PCDHGA7: variants seen among roughly 807,000 people sequenced by gnomAD.
The protein encoded by PCDHGA7 is protocadherin gamma subfamily A, 7.
A neutral mutation model predicts 58.3 loss-of-function variants in PCDHGA7; 44 were observed. The observed-to-expected ratio is 0.75, with a 90% confidence interval of 0.59 to 0.97. The LOEUF (loss-of-function observed/expected upper bound fraction) is 0.97, where lower values mean the gene tolerates loss of function less well. Among genes scored for constraint, PCDHGA7 ranks in the 50% least tolerant of loss-of-function variants. The pLI, the probability that PCDHGA7 is intolerant of heterozygous loss-of-function variation, is 0.00. For synonymous variants in PCDHGA7, 516 were observed against 504.2 expected (o/e 1.02, Z -0.31); for missense variants, 1,266 against 1,188.7 (o/e 1.06, Z -0.96).
intron 1 of PCDHGA7, among the ~76,000 whole-genome samples, chr5:141,488,655 G>C (rs1438020338): frequency 6.6e-6 from 1 of 152,164 alleles, no homozygotes. Flanking sequence ...GATGGGGGAG[G>C]GTGGGGGAAT....
At chr5:141,503,902 C>T (rs552180745) in intron 2 of PCDHGA7, among the ~76,000 whole-genome samples, 7 of 152,328 alleles carry the variant, frequency 4.6e-5, no homozygotes, top group African/African-American at 1.7e-4. Context: ...AATATGCACA[C>T]ACACAACGCA....
In PCDHGA7 at chr5:141,408,415, G is replaced by A. The variant is rs554066897; in HGVS notation, c.2424+23092G>A. The A allele has an allele frequency of 1.8e-5, 29 of 1,614,074 alleles. 1 individual carries two copies. In the South Asian group the frequency reaches 2.9e-4, roughly 16 times the overall value. On this transcript the variant is annotated intron_variant, in intron 1 of 3. Coordinates refer to ENST00000518325, the MANE Select transcript of PCDHGA7 (RefSeq NM_018920.4). Reference sequence around the variant, plus strand: ...CTCGCAAGCTGCGAGTGAGCGCGGAGAAGCTGCACTTCAGCGTAGACGCGG... The same window carrying A: ...CTCGCAAGCTGCGAGTGAGCGCGGAAAAGCTGCACTTCAGCGTAGACGCGG...
intron 1 of PCDHGA7, chr5:141,394,441 G>A (rs1161641966): frequency 6.2e-7 from 1 of 1,614,236 alleles, no homozygotes; most frequent in Admixed American, 1.7e-5. Flanking sequence ...CCGCCCCTCA[G>A]CAGCAACATG....
rs367939205 is a variant in PCDHGA7 at position 141,383,529 on chromosome 5, G to A, written c.630G>A (p.Leu210=). ...GGGAGGAAGAGCGGGTTCACCACCT[G>A]GTCCTCACAGCCTCTGATGGCGGCG... ...LDREEERVHH[L]VLTASDGGDP... The change falls in exon 1 of 4, where the codon CTG becomes CTA. Residue 210 remains leucine, a synonymous_variant. Transcript: ENST00000518325. The A allele has an allele frequency of 3.0e-5, 48 of 1,612,474 alleles. No homozygotes were observed. The African/African-American group carries it at 5.7e-4, about 19-fold the overall frequency.
At chr5:141,422,122 A>C in intron 1 of PCDHGA7, 1 of 1,601,714 alleles carries the variant, frequency 6.2e-7, no homozygotes, top group Non-Finnish European at 8.5e-7. Context: ...GGATTCACAA[A>C]CTGGAGAAGT....
chr5:141,483,814 C>A (rs1262593892), intron 1 of PCDHGA7, among the ~76,000 whole-genome samples: 4 of 151,994 alleles, frequency 2.6e-5, no homozygotes, highest in African/African-American at 9.7e-5. Flanking sequence ...TTTTTGGCAG[C>A]CAGTGTAACC....
chr5:141,415,076 G>A (rs772523894), intron 1 of PCDHGA7: 3 of 1,613,462 alleles, frequency 1.9e-6, no homozygotes, highest in South Asian at 1.1e-5. Context: ...CGCACGGCGC[G>A]AGCCCTGCTG....
chr5:141,431,012 G>A lies in PCDHGA7; in HGVS notation c.2424+45689G>A. On this transcript the variant is annotated intron_variant, in intron 1 of 3. Coordinates refer to ENST00000518325, the MANE Select transcript of PCDHGA7 (RefSeq NM_018920.4). This position sits in a 1 kb window ranked among gnomAD's most constrained non-coding sequence, Gnocchi z 4.8. The stretch of plus-strand genomic sequence containing the variant: ...CCTGAATCCGCGCAGCGGCAGCTTG[G>A]TCACGGCGGGCAGGATAGACCGGGA... 1 of 1,613,314 alleles carries A rather than the reference G, an allele frequency of 6.2e-7. No individual in the cohort carries two copies. Among genetic ancestry groups the A allele is most frequent in the South Asian group, 1.1e-5 (1 of 91,076 alleles).
chr5:141,481,260 A>C (rs2099534771), intron 1 of PCDHGA7, among the ~76,000 whole-genome samples: 1 of 152,166 alleles, frequency 6.6e-6, no homozygotes, highest in Non-Finnish European at 1.5e-5. Context: ...CTAAAAGATC[A>C]CTGTAGGAAG....
intron 1 of PCDHGA7, chr5:141,393,206 A>C (rs774279389): frequency 1.2e-6 from 2 of 1,613,470 alleles, no homozygotes; most frequent in African/African-American, 1.3e-5. Context: ...ATAATAACCC[A>C]AAATTCCAGG....
chr5:141,447,742 T>G (rs1440015460), intron 1 of PCDHGA7, among the ~76,000 whole-genome samples: 3 of 152,056 alleles, frequency 2.0e-5, no homozygotes, highest in Non-Finnish European at 4.4e-5. Flanking sequence ...AACTTAAGAG[T>G]CTTGCATGTG....
Position 141,487,003 on chromosome 5 carries a change from C to T in PCDHGA7, c.2425-7804C>T. The stretch of plus-strand genomic sequence containing the variant: ...ACAATGCTTGGGTTTCCTATCAGCT[C>T]CTGGAGGCCCCAGATCCCAGCCTGT... On this transcript the variant is annotated intron_variant, in intron 1 of 3. Transcript: ENST00000518325. The surrounding 1 kb of genome is among the most constrained non-coding windows in gnomAD (Gnocchi z 5.0). 1 of 1,614,228 alleles carries T rather than the reference C, an allele frequency of 6.2e-7. No homozygotes were observed.
At position 141,432,782 on chromosome 5, in the gene PCDHGA7, C is replaced by G. The variant is rs547164205; in HGVS notation, c.2424+47459C>G. On this transcript the variant is annotated intron_variant, in intron 1 of 3. Transcript: ENST00000518325. The surrounding 1 kb of genome is among the most constrained non-coding windows in gnomAD (Gnocchi z 6.0). ...CAGCATCCCCCAAGTCCTGGCGGACCTCGGCAGCCTCGAGTCTCCAGCTAA... is the reference window on the plus strand; with the variant it reads ...CAGCATCCCCCAAGTCCTGGCGGACGTCGGCAGCCTCGAGTCTCCAGCTAA... 4.3e-6 allele frequency: 7 copies of G among 1,614,046 alleles called. No individual in the cohort carries two copies. The highest frequency in any genetic ancestry group is 3.3e-4 in the Middle Eastern group (2 of 6,084).
At chr5:141,388,658 G>T in intron 1 of PCDHGA7, 7 of 1,613,908 alleles carry the variant, frequency 4.3e-6, no homozygotes, top group Non-Finnish European at 5.9e-6. Context: ...TGTACCCGGG[G>T]ACCACGGTGC....
intron 1 of PCDHGA7, chr5:141,413,447 C>T: frequency 2.5e-6 from 4 of 1,614,088 alleles, no homozygotes; most frequent in Non-Finnish European, 3.4e-6. Flanking sequence ...TTGATCACCG[C>T]GGGCAGGATA....
intron 1 of PCDHGA7, chr5:141,414,883 G>T: frequency 6.2e-7 from 1 of 1,614,176 alleles, no homozygotes; most frequent in Non-Finnish European, 8.5e-7. Context: ...CCTGTACCCC[G>T]CCCTCCCCAC....
intron 1 of PCDHGA7, chr5:141,388,773 G>A (rs769358867): frequency 1.9e-6 from 3 of 1,613,808 alleles, no homozygotes; most frequent in East Asian, 2.2e-5. Flanking sequence ...CTCTAACACC[G>A]GGGAAATTAC....
chr5:141,393,465 G>T, intron 1 of PCDHGA7: 1 of 1,614,048 alleles, frequency 6.2e-7, no homozygotes, highest in Non-Finnish European at 8.5e-7. Context: ...CTCGGATGGC[G>T]GCAAGCCGCC....
rs200601557 is a variant in PCDHGA7, at chr5:141,432,538, G to A, written c.2424+47215G>A. 5.0e-6 allele frequency: 8 copies of A among 1,613,908 alleles called. No homozygotes were observed. The highest frequency in any genetic ancestry group is 1.7e-5 in the Admixed American group (1 of 60,012). On this transcript the variant is annotated intron_variant, in intron 1 of 3. Coordinates refer to ENST00000518325, the MANE Select transcript of PCDHGA7 (RefSeq NM_018920.4). The surrounding 1 kb of genome is among the most constrained non-coding windows in gnomAD (Gnocchi z 6.0). ...GCTACCTGGTGACCAAGGTGGTGGCGGTGGACAGAGACTCCGGCCAGAACG... is the reference window on the plus strand; with the variant it reads ...GCTACCTGGTGACCAAGGTGGTGGCAGTGGACAGAGACTCCGGCCAGAACG...
Sources: allele counts gnomAD v4.1 joint callset (sites outside exome capture counted in the v4.1 genomes callset), GRCh38; gene constraint gnomAD v4.1.1; non-coding constraint Gnocchi (gnomAD v3.1); transcripts MANE v1.5; gene names NCBI Gene and HGNC (gene_info 2026-07-23, HGNC 2026-07-21).